MCCC2: variants seen among roughly 807,000 people sequenced by gnomAD.
MCCC2 encodes methylcrotonoyl-CoA carboxylase beta chain, mitochondrial.
Under a neutral mutation model 77.2 loss-of-function variants are expected in MCCC2, and 52 were observed. The observed-to-expected ratio is 0.67, with a 90% CI of 0.54 to 0.85. The LOEUF (loss-of-function observed/expected upper bound fraction) is 0.85, where lower values mean the gene tolerates loss of function less well. Among genes scored for constraint, MCCC2 ranks in the 40% least tolerant of loss-of-function variants. The probability of loss-of-function intolerance (pLI) is 0.00; values close to 1 mark genes in which losing one functional copy is unlikely to be tolerated. For missense variants in MCCC2, 682 were observed against 703.2 expected (o/e 0.97, Z 0.34); for synonymous variants, 253 against 248.4 (o/e 1.02, Z -0.18).
At chr5:71,644,035 G>A (rs1197441854) in intron 12 of MCCC2, 140 bp downstream of exon 12, 4 of 504,986 alleles carry the variant, frequency 7.9e-6, no homozygotes, top group Non-Finnish European at 1.1e-5. Flanking sequence ...GCGCGGGCAT[G>A]TGTGTGTGTG....
Position 71,635,220 on chromosome 5 carries a change from C to G in MCCC2, c.973C>G (p.Leu325Val). The change falls in exon 10 of 17, where the codon CTT (leucine) becomes GTT (valine). Residue 325 changes from leucine (L) to valine (V), a missense_variant. Leu to Val is a conservative substitution (Grantham distance 32, BLOSUM62 1). Coordinates refer to ENST00000340941, the MANE Select transcript of MCCC2 (RefSeq NM_022132.5). ...DELYGIVGAN[L>V]KRSFDVREVI... is the part of the protein sequence containing the mutation. The stretch of plus-strand genomic sequence containing the variant: ...ATTGTATGGAATAGTTGGTGCTAAC[C>G]TTAAGAGGAGCTTTGATGTCCGAGA... The G allele has an allele frequency of 6.2e-7, 1 of 1,614,066 alleles. No homozygotes were observed. The highest frequency in any genetic ancestry group is 8.5e-7 in the Non-Finnish European group (1 of 1,179,982).
intron 16 of MCCC2, among the ~76,000 whole-genome samples, chr5:71,656,514 C>T (rs940822936): frequency 1.3e-5 from 2 of 152,122 alleles, no homozygotes; most frequent in Non-Finnish European, 1.5e-5. Flanking sequence ...AGCCTTAAGC[C>T]TGACATGACA....
intron 5 of MCCC2, among the ~76,000 whole-genome samples, chr5:71,603,587 G>T (rs1057033670): frequency 2.0e-5 from 3 of 151,958 alleles, no homozygotes; most frequent in Admixed American, 6.6e-5. Context: ...CTCACAATAC[G>T]AACTGCTCTG....
In MCCC2 at chr5:71,639,382, T is replaced by C. The variant is rs373936407; in HGVS notation, c.1000-1621T>C. The stretch of plus-strand genomic sequence containing the variant: ...AGCACTTGCTGCCTCACCTTATACT[T>C]TTGTGGTACAAATGGCTTTTTTTTT... On this transcript the variant is annotated intron_variant, in intron 10 of 16. Transcript: ENST00000340941. 1.6e-3 allele frequency among the ~76,000 whole-genome samples: 240 copies of C among 152,340 alleles called. 1 individual carries two copies. The highest frequency in any genetic ancestry group is 5.5e-3 in the African/African-American group (230 of 41,578).
At chr5:71,598,180 T>C (rs461035) in intron 3 of MCCC2, among the ~76,000 whole-genome samples, 8,273 of 151,064 alleles carry the variant, frequency 0.055, 302 homozygotes, top group Non-Finnish European at 0.079. Flanking sequence ...CAAGCGATTC[T>C]CCTGCCTCAG....
Position 71,608,899 on chromosome 5 carries a change from T to C in MCCC2, c.624+4431T>C, listed in dbSNP as rs1432473396. ...TTTAAGAATGTTGAATATTGGCCCC[T>C]AGTCTCTTCTGGCTTGTAGGTTTCT... On this transcript the variant is annotated intron_variant, in intron 6 of 16. Transcript: ENST00000340941. Among the ~76,000 whole-genome samples the C allele has an allele frequency of 2.6e-5, 4 of 152,208 alleles. No individual in the cohort carries two copies. The East Asian group carries it at 7.7e-4, about 29-fold the overall frequency.
rs1463647139 is a variant in MCCC2, at chr5:71,649,361, C to CA, written c.1373+110dup. 5.6e-6 allele frequency: 6 copies of CA among 1,066,892 alleles called. No homozygotes were observed. The Admixed American group carries it at 1.1e-4, about 20-fold the overall frequency. The allele number at this position is 1,066,892 out of a possible 1,614,324, so 66.1% of individuals were successfully genotyped here. ...AATATAGAATGCCATTCCCAGATCT[C>CA]AATCAATTATACCGTAATTTGTATC... On this transcript the variant is annotated intron_variant, in intron 14 of 16. Transcript: ENST00000340941.
At chr5:71,640,206 G>T (rs1390425968) in intron 10 of MCCC2, among the ~76,000 whole-genome samples, 1 of 152,108 alleles carries the variant, frequency 6.6e-6, no homozygotes, top group African/African-American at 2.4e-5. Context: ...CTTAATAATA[G>T]TGATAGCTAC....
At chr5:71,596,006 CTG>C (rs964808769) in intron 2 of MCCC2, among the ~76,000 whole-genome samples, 9 of 152,088 alleles carry the variant, frequency 5.9e-5, no homozygotes, top group African/African-American at 9.7e-5. Context: ...AGAAAATACT[CTG>C]TAATTTATGT....
intron 16 of MCCC2, among the ~76,000 whole-genome samples, chr5:71,653,514 A>C (rs1196978507): frequency 6.7e-6 from 1 of 149,598 alleles, no homozygotes; most frequent in Non-Finnish European, 1.5e-5. Flanking sequence ...CTTATGTTGT[A>C]ATTTATGCTG....
At chr5:71,635,354 G>A (rs571995263) in intron 10 of MCCC2, 108 bp downstream of exon 10, 1 of 958,132 alleles carries the variant, frequency 1.0e-6, no homozygotes, top group South Asian at 1.3e-5. Flanking sequence ...CCTAGAAATA[G>A]ATGTGGATCT....
intron 1 of MCCC2, among the ~76,000 whole-genome samples, chr5:71,588,268 C>CAAA (rs11309257): frequency 9.9e-6 from 1 of 100,668 alleles, no homozygotes; most frequent in Non-Finnish European, 2.1e-5. Context: ...AACTCTGTCT[C>CAAA]AAAAAAAAAA....
chr5:71,626,218 C>T (rs923796165), intron 6 of MCCC2, among the ~76,000 whole-genome samples: 1 of 152,088 alleles, frequency 6.6e-6, no homozygotes. Context: ...TTAATAACAT[C>T]CATTTGAAGA....
In MCCC2 at chr5:71,646,296, C is replaced by T; in HGVS notation, c.1216+19C>T. Reference sequence around the variant, plus strand: ...ATTACTGGTAAGAAAATAGCTTAATCAGTTTGGTTGTATTGATTCCAGAGC... The same window carrying T: ...ATTACTGGTAAGAAAATAGCTTAATTAGTTTGGTTGTATTGATTCCAGAGC... On this transcript the variant is annotated intron_variant, in intron 13 of 16. Coordinates refer to ENST00000340941, the MANE Select transcript of MCCC2 (RefSeq NM_022132.5). 1 of 1,610,684 alleles carries T rather than the reference C, an allele frequency of 6.2e-7. No homozygotes were observed. Among genetic ancestry groups the T allele is most frequent in the Non-Finnish European group, 8.5e-7 (1 of 1,177,232 alleles).
chr5:71,655,852 GTTA>G (rs1326892807), intron 16 of MCCC2, among the ~76,000 whole-genome samples: 2 of 152,206 alleles, frequency 1.3e-5, no homozygotes, highest in African/African-American at 4.8e-5. Flanking sequence ...GCAGTTTAAA[GTTA>G]TTGTTTTTCC....
chr5:71,629,266 A>G (rs577798816), intron 7 of MCCC2, among the ~76,000 whole-genome samples: 15 of 152,262 alleles, frequency 9.9e-5, no homozygotes, highest in African/African-American at 3.4e-4. Flanking sequence ...TCTATGAAAT[A>G]TTGAGAATAG....
rs1215619050 is a variant in MCCC2, at chr5:71,633,129, A to ATTTTTTTTTTTTTTT, written c.803+945_803+946insTTTTTTTTTTTTTTT. On this transcript the variant is annotated intron_variant, in intron 8 of 16. Transcript: ENST00000340941. ...TATATATATATATATATATATATAT[A>ATTTTTTTTTTTTTTT]TATTTTTATTTTTTGTAGAAACAGG... 1.1e-4 allele frequency among the ~76,000 whole-genome samples: 9 copies of ATTTTTTTTTTTTTTT among 81,974 alleles called. 1 individual carries two copies. Among genetic ancestry groups the ATTTTTTTTTTTTTTT allele is most frequent in the Admixed American group, 1.6e-4 (1 of 6,122 alleles). 53.8% of individuals were successfully genotyped at this position (81,974 alleles called of 152,430 possible). A position where few individuals can be genotyped will look rare whatever the true frequency, so the allele number is the denominator to read the frequency against.
chr5:71,627,612 G>T (rs1191988170), intron 7 of MCCC2, among the ~76,000 whole-genome samples: 1 of 152,196 alleles, frequency 6.6e-6, no homozygotes, highest in Non-Finnish European at 1.5e-5. Flanking sequence ...GCTGGATCAT[G>T]TGGTAGCTGT....
chr5:71,643,847 AGGT>A lies in MCCC2; in HGVS notation c.1102_1104del (p.Gly368del). Reference sequence around the variant, plus strand: ...TTGCTCGAATATTTGGGTACCCAGTAGGTATCGTTGGAAACAACGGAGTTCTCT... The same window carrying A: ...TTGCTCGAATATTTGGGTACCCAGTAATCGTTGGAAACAACGGAGTTCTCT... On this transcript the variant is annotated inframe_deletion, in exon 12 of 17. Transcript: ENST00000340941. The A allele has an allele frequency of 6.2e-7, 1 of 1,614,168 alleles. No individual in the cohort carries two copies. Among genetic ancestry groups the A allele is most frequent in the Non-Finnish European group, 8.5e-7 (1 of 1,180,016 alleles).
Sources: gnomAD v4.1 joint callset for allele counts (sites outside exome capture counted in the v4.1 genomes callset) on GRCh38, gnomAD v4.1.1 for gene constraint, MANE v1.5 for transcripts, NCBI Gene and HGNC (gene_info 2026-07-23, HGNC 2026-07-21) for gene names.